Variants in GLYATL2 observed in about 807,000 individuals in gnomAD.
The protein encoded by GLYATL2 is glycine N-acyltransferase-like protein 2.
GLYATL2 carries 25 observed loss-of-function variants against 21.4 expected under a neutral mutation model. The ratio of observed to expected loss-of-function variants is 1.17; its 90% CI spans 0.85 to 1.63. The LOEUF (loss-of-function observed/expected upper bound fraction) is 1.63. GLYATL2 is among the 40% of genes most tolerant of loss of function. GLYATL2 has a pLI of 0.00. For synonymous variants in GLYATL2, 114 were observed against 118.2 expected (o/e 0.96, Z 0.23); for missense variants, 361 against 343.3 (o/e 1.05, Z -0.41).
intron 1 of GLYATL2, among the ~76,000 whole-genome samples, chr11:58,871,745 T>C (rs1357462876): frequency 1.3e-5 from 2 of 152,116 alleles, no homozygotes; most frequent in Admixed American, 6.6e-5. Context: ...AATAAACATA[T>C]GTGTGCATGT....
At position 58,889,049 on chromosome 11, in the gene GLYATL2, T is replaced by C. The variant is rs180750530; in HGVS notation, n.60+15107A>G. On this transcript the variant is annotated intron_variant and non_coding_transcript_variant, in intron 1 of 4. Transcript: ENST00000533636. ...TTTTTTCACTTTTTTCAGTTTTTGT[T>C]CTATGCCATCTGGCAAAATTTTATT... 3.3e-5 allele frequency among the ~76,000 whole-genome samples: 5 copies of C among 152,028 alleles called. No individual in the cohort carries two copies. In the East Asian group the frequency reaches 9.6e-4, roughly 29 times the overall value.
chr11:58,876,589 G>A (rs1274308045), intron 1 of GLYATL2, among the ~76,000 whole-genome samples: 1 of 152,160 alleles, frequency 6.6e-6, no homozygotes, highest in African/African-American at 2.4e-5. Flanking sequence ...CAGCAGTGGT[G>A]GCTGCAGAAC....
chr11:58,864,827 G>A (rs1853995711), intron 1 of GLYATL2, among the ~76,000 whole-genome samples: 1 of 149,116 alleles, frequency 6.7e-6, no homozygotes, highest in South Asian at 2.1e-4. Flanking sequence ...TTTTGCTGAT[G>A]TCTAGTTGCA....
chr11:58,853,569 A>G (rs1853778266), intron 1 of GLYATL2, among the ~76,000 whole-genome samples: 1 of 152,180 alleles, frequency 6.6e-6, no homozygotes, highest in Non-Finnish European at 1.5e-5. Context: ...CTTTTAGAAA[A>G]TCACGGCCAG....
chr11:58,875,883 G>A (rs1228756535), intron 1 of GLYATL2, among the ~76,000 whole-genome samples: 4 of 152,198 alleles, frequency 2.6e-5, no homozygotes, highest in Non-Finnish European at 4.4e-5. Context: ...CCTGCAGAGT[G>A]TTTTCCAACT....
upstream of GLYATL2, among the ~76,000 whole-genome samples, chr11:58,906,007 G>A (rs1854869373): frequency 1.3e-5 from 2 of 152,236 alleles, no homozygotes; most frequent in African/African-American, 2.4e-5. Context: ...TTCCAGGCGG[G>A]AAAAGTTCAG....
intron 1 of GLYATL2, among the ~76,000 whole-genome samples, chr11:58,869,594 G>A (rs1854081522): frequency 6.6e-6 from 1 of 152,110 alleles, no homozygotes; most frequent in South Asian, 2.1e-4. Context: ...ATCTTTGTGT[G>A]TATATGCATC....
chr11:58,877,632 G>A (rs187832167), intron 1 of GLYATL2, among the ~76,000 whole-genome samples: 7 of 152,330 alleles, frequency 4.6e-5, no homozygotes, highest in African/African-American at 1.7e-4. Context: ...ACCCAGTGAA[G>A]AAAGTCCATT....
chr11:58,888,396 A>G (rs779592210), intron 1 of GLYATL2, among the ~76,000 whole-genome samples: 3 of 152,030 alleles, frequency 2.0e-5, no homozygotes, highest in Non-Finnish European at 4.4e-5. Flanking sequence ...TTCCTACTCC[A>G]AGATCATACA....
chr11:58,875,409 T>C (rs1300143026), intron 1 of GLYATL2, among the ~76,000 whole-genome samples: 2 of 152,212 alleles, frequency 1.3e-5, no homozygotes, highest in East Asian at 3.8e-4. Flanking sequence ...ATTTGGCATA[T>C]TTTTGCAGTG....
At chr11:58,891,071 A>T (rs1172222936) in intron 1 of GLYATL2, among the ~76,000 whole-genome samples, 1 of 152,132 alleles carries the variant, frequency 6.6e-6, no homozygotes, top group Non-Finnish European at 1.5e-5. Context: ...CTTTTAAAAC[A>T]TCTACTCTTT....
intron 1 of GLYATL2, among the ~76,000 whole-genome samples, chr11:58,889,604 T>A (rs1333989490): frequency 6.6e-6 from 1 of 151,806 alleles, no homozygotes; most frequent in African/African-American, 2.4e-5. Flanking sequence ...TTATCTTATT[T>A]CATTTTTGTC....
intron 5 of GLYATL2, among the ~76,000 whole-genome samples, chr11:58,836,508 T>C (rs1308401165): frequency 6.6e-6 from 1 of 152,190 alleles, no homozygotes; most frequent in African/African-American, 2.4e-5. Flanking sequence ...TTCAGATATA[T>C]TTACACAACT....
intron 1 of GLYATL2, among the ~76,000 whole-genome samples, chr11:58,884,192 A>G (rs1190311653): frequency 1.3e-5 from 2 of 152,224 alleles, no homozygotes; most frequent in Non-Finnish European, 2.9e-5. Flanking sequence ...CCTATTCAAC[A>G]TAGTATTGGA....
At chr11:58,855,118 A>G (rs1853806279) in intron 1 of GLYATL2, among the ~76,000 whole-genome samples, 1 of 152,222 alleles carries the variant, frequency 6.6e-6, no homozygotes, top group African/African-American at 2.4e-5. Context: ...TGGATCATGA[A>G]TGTTTTAAAT....
chr11:58,862,186 T>C (rs542720808), intron 1 of GLYATL2, among the ~76,000 whole-genome samples: 4 of 152,202 alleles, frequency 2.6e-5, no homozygotes, highest in South Asian at 2.1e-4. Context: ...GTTAGCCTTA[T>C]TGGAACTCCC....
At chr11:58,907,354 G>A (rs1854922988), upstream of GLYATL2, 1 of 456,122 alleles carries the variant, frequency 2.2e-6, no homozygotes, top group Non-Finnish European at 4.4e-6. Context: ...TTGCGACACT[G>A]GCCTGGAATC....
chr11:58,893,406 C>T, intron 1 of GLYATL2: 1 of 234,280 alleles, frequency 4.3e-6, no homozygotes, highest in East Asian at 1.0e-4. Context: ...CCTTTGTGGC[C>T]ACCTGTGAGT....
At chr11:58,900,830 T>C (rs761385908) in intron 1 of GLYATL2, among the ~76,000 whole-genome samples, 7 of 152,162 alleles carry the variant, frequency 4.6e-5, no homozygotes, top group Admixed American at 1.3e-4. Flanking sequence ...TCATGGAAGC[T>C]ACCATTGGCT....
Sources: allele counts gnomAD v4.1 joint callset (sites outside exome capture counted in the v4.1 genomes callset), GRCh38; gene constraint gnomAD v4.1.1; transcripts MANE v1.5; gene names NCBI Gene and HGNC (gene_info 2026-07-23, HGNC 2026-07-21).